CFAP57: variants seen among roughly 807,000 people sequenced by gnomAD.
The protein encoded by CFAP57 is cilia- and flagella-associated protein 57.
A neutral mutation model predicts 146.8 loss-of-function variants in CFAP57; 116 were observed. The observed-to-expected ratio is 0.79, with a 90% CI of 0.68 to 0.92. The LOEUF is 0.92. Ranked by LOEUF, CFAP57 falls within the 40% of genes least tolerant of loss-of-function variation. CFAP57 has a pLI of 0.00. For synonymous variants in CFAP57, 518 were observed against 552.8 expected, an observed-to-expected ratio of 0.94 and a Z score of 0.88; for missense variants, 1,377 against 1,527.2, an observed-to-expected ratio of 0.90 and a Z score of 1.64.
In CFAP57 at chr1:43,198,548, T is replaced by C. The variant is rs1309331847; in HGVS notation, c.1330T>C (p.Phe444Leu). The C allele has an allele frequency of 1.9e-6, 3 of 1,614,020 alleles. No homozygotes were observed. The highest frequency in any genetic ancestry group is 1.3e-5 in the African/African-American group (1 of 74,936). Residue 444 changes from phenylalanine to leucine, a missense_variant, in exon 8 of 23, where the codon TTC becomes CTC. Phe to Leu is a conservative substitution (Grantham distance 22). Coordinates refer to ENST00000372492, the MANE Select transcript of CFAP57 (RefSeq NM_001378189.1). ...CATCAGCCTTCATCCATCTGGACAC[T>C]TCATTGTAGTAGGGTTTGCTGACAA... Reference protein sequence around the residue: ...YSISLHPSGHFIVVGFADKLR... With the variant: ...YSISLHPSGHLIVVGFADKLR...
At chr1:43,195,379 GGGCATGGT>G (rs1334560669) in intron 6 of CFAP57, among the ~76,000 whole-genome samples, 1 of 152,058 alleles carries the variant, frequency 6.6e-6, no homozygotes, top group African/African-American at 2.4e-5. Flanking sequence ...AAAATTAGCT[GGGCATGGT>G]GGCATGTGCC....
rs1460898276 is a variant in CFAP57 at position 43,242,177 on chromosome 1, G to A, written c.3406-1050G>A. On this transcript the variant is annotated intron_variant, in intron 21 of 22. Transcript: ENST00000372492. ...TGGGACACCCTTTACCCTCTCCTTG[G>A]TGACTCCTTCAAGCCTCAGCCCAGG... Among the ~76,000 whole-genome samples the A allele has an allele frequency of 2.0e-5, 3 of 152,102 alleles. No homozygotes were observed. The East Asian group carries it at 5.8e-4, about 29-fold the overall frequency.
chr1:43,213,236 T>C (rs1644697497), intron 11 of CFAP57, among the ~76,000 whole-genome samples: 1 of 152,128 alleles, frequency 6.6e-6, no homozygotes, highest in African/African-American at 2.4e-5. Context: ...TACAGGCACA[T>C]GCCATCATGC....
At chr1:43,191,586 C>CAAAAAA (rs10672819) in intron 6 of CFAP57, among the ~76,000 whole-genome samples, 1 of 65,034 alleles carries the variant, frequency 1.5e-5, no homozygotes, top group Middle Eastern at 8.8e-3. Flanking sequence ...GACTCCGTCT[C>CAAAAAA]AAAAAAAAAA....
intron 18 of CFAP57, chr1:43,231,917 T>C: frequency 2.3e-6 from 1 of 431,872 alleles, no homozygotes; most frequent in East Asian, 3.5e-5. Flanking sequence ...CTTATTTTTC[T>C]TGTGAAGACA....
At chr1:43,189,414 G>A (rs1643360172) in intron 6 of CFAP57, among the ~76,000 whole-genome samples, 1 of 152,044 alleles carries the variant, frequency 6.6e-6, no homozygotes, top group Admixed American at 6.5e-5. Context: ...TCTTTAATTT[G>A]TTTCAAGAAC....
chr1:43,242,993 A>G (rs1645984625), intron 21 of CFAP57, among the ~76,000 whole-genome samples: 1 of 152,200 alleles, frequency 6.6e-6, no homozygotes, highest in Non-Finnish European at 1.5e-5. Context: ...TGACGTTGCA[A>G]CAAGCATGGG....
intron 6 of CFAP57, among the ~76,000 whole-genome samples, 156 bp from the exon 7 acceptor site, chr1:43,197,397 G>A (rs10158240): frequency 0.12 from 17,919 of 152,074 alleles, 1,476 homozygotes; most frequent in East Asian, 0.29. Flanking sequence ...TAATAATATT[G>A]GCTCAGGAAA....
rs538113710 is a variant in CFAP57 at position 43,253,523 on chromosome 1, G to C, written c.3539-454G>C. Reference sequence around the variant, plus strand: ...CAGGGAGGATGACTCAGGGGAGAAAGTTCTCAAGGAACAAGGTATGAGTGG... The same window carrying C: ...CAGGGAGGATGACTCAGGGGAGAAACTTCTCAAGGAACAAGGTATGAGTGG... On this transcript the variant is annotated intron_variant, in intron 22 of 22. Coordinates refer to ENST00000372492, the MANE Select transcript of CFAP57 (RefSeq NM_001378189.1). Among the ~76,000 whole-genome samples, 3 of 152,328 alleles carry C rather than the reference G, an allele frequency of 2.0e-5. No individual in the cohort carries two copies. The East Asian group carries it at 5.8e-4, about 29-fold the overall frequency.
At chr1:43,227,709 G>A (rs952588634) in intron 18 of CFAP57, among the ~76,000 whole-genome samples, 1 of 152,042 alleles carries the variant, frequency 6.6e-6, no homozygotes, top group Non-Finnish European at 1.5e-5. Context: ...GGTCCCCCAT[G>A]CCCCCCACCA....
chr1:43,228,523 C>T (rs941251825), intron 18 of CFAP57, among the ~76,000 whole-genome samples: 5 of 148,894 alleles, frequency 3.4e-5, no homozygotes, highest in African/African-American at 1.0e-4. Context: ...TGCCCGGTGA[C>T]GCCTGTACTC....
At chr1:43,172,604 AG>A (rs1645014900) in intron 1 of CFAP57, 130 bp from the exon 2 acceptor site, 1 of 522,976 alleles carries the variant, frequency 1.9e-6, no homozygotes, top group Non-Finnish European at 3.3e-6. Flanking sequence ...GGGAAAGGGG[AG>A]GGACAAGGGG....
At chr1:43,213,130 C>T (rs562004652) in intron 11 of CFAP57, among the ~76,000 whole-genome samples, 5 of 152,048 alleles carry the variant, frequency 3.3e-5, no homozygotes, top group African/African-American at 1.2e-4. Flanking sequence ...CTCTGTCGCC[C>T]AGGCTTGAGT....
intron 6 of CFAP57, among the ~76,000 whole-genome samples, chr1:43,190,265 C>CTTTTTTTTTTTTTTTTTTTTTTTTTT (rs71036614): frequency 1.4e-5 from 1 of 71,418 alleles, no homozygotes; most frequent in Non-Finnish European, 2.6e-5. Flanking sequence ...CATCCAGTCT[C>CTTTTTTTTTTTTTTTTTTTTTTTTTT]TTTTTTTTTT....
intron 15 of CFAP57, 42 bp downstream of exon 15, chr1:43,222,337 A>G: frequency 7.2e-7 from 1 of 1,384,412 alleles, no homozygotes; most frequent in South Asian, 1.9e-5. Flanking sequence ...TTCACAGAGA[A>G]AAGCCACCCA....
intron 14 of CFAP57, 69 bp downstream of exon 14, chr1:43,221,534 G>A: frequency 9.4e-7 from 1 of 1,061,662 alleles, no homozygotes; most frequent in South Asian, 2.1e-5. Flanking sequence ...ACACTCAAGA[G>A]TCCCCCAGAC....
intron 15 of CFAP57, among the ~76,000 whole-genome samples, chr1:43,222,527 G>T (rs1036785115): frequency 1.8e-4 from 28 of 152,294 alleles, no homozygotes; most frequent in African/African-American, 6.7e-4. Context: ...AGGAAGGCTG[G>T]GTGTCCAGTG....
intron 17 of CFAP57, among the ~76,000 whole-genome samples, chr1:43,224,977 A>G (rs1418161447): frequency 6.6e-6 from 1 of 152,188 alleles, no homozygotes; most frequent in Non-Finnish European, 1.5e-5. Context: ...GGGGTCTTGT[A>G]AGGATCACAT....
intron 6 of CFAP57, among the ~76,000 whole-genome samples, chr1:43,193,010 C>G (rs912344513): frequency 6.6e-6 from 1 of 151,998 alleles, no homozygotes; most frequent in South Asian, 2.1e-4. Context: ...CCCCTTCATT[C>G]TTGACAATTT....
Sources: allele counts gnomAD v4.1 joint callset (sites outside exome capture counted in the v4.1 genomes callset), GRCh38; gene constraint gnomAD v4.1.1; transcripts MANE v1.5; gene names NCBI Gene and HGNC (gene_info 2026-07-23, HGNC 2026-07-21).